Variants in DOCK7 observed in about 807,000 individuals in gnomAD.
DOCK7 encodes dedicator of cytokinesis protein 7.
DOCK7 carries 138 observed loss-of-function variants against 271.0 expected under a neutral mutation model. That is an observed-to-expected ratio of 0.51 (90% confidence interval 0.44 to 0.59). The LOEUF (loss-of-function observed/expected upper bound fraction) is 0.59. Ranked by LOEUF, DOCK7 falls within the 20% of genes least tolerant of loss-of-function variation. DOCK7 has a pLI of 0.00. For missense variants in DOCK7, 2,066 were observed against 2,592.4 expected (o/e 0.80, Z 4.41); for synonymous variants, 823 against 876.1 (o/e 0.94, Z 1.07).
At chr1:62,475,585 G>A (rs935168678) in intron 46 of DOCK7, 122 bp downstream of exon 46, 27 of 1,108,564 alleles carry the variant, frequency 2.4e-5, no homozygotes, top group Middle Eastern at 2.2e-4. Context: ...CTCAAAAATG[G>A]GTAAAGTTCT....
At chr1:62,505,904 C>T (rs1024318543) in intron 35 of DOCK7, 88 bp from the exon 36 acceptor site, 1 of 1,276,128 alleles carries the variant, frequency 7.8e-7, no homozygotes, top group Non-Finnish European at 1.1e-6. Context: ...TAAATAAAGG[C>T]CTCCCTGTAT....
At chr1:62,561,756 T>C (rs901323852) in intron 18 of DOCK7, 53 bp from the exon 19 acceptor site, 15 of 1,179,956 alleles carry the variant, frequency 1.3e-5, no homozygotes, top group Non-Finnish European at 1.6e-5. Context: ...TTATGAACTC[T>C]GAAAATAAAC....
intron 1 of DOCK7, among the ~76,000 whole-genome samples, chr1:62,679,286 C>G (rs1357426881): frequency 6.6e-6 from 1 of 152,018 alleles, no homozygotes; most frequent in African/African-American, 2.4e-5. Context: ...GTAAGTTAAA[C>G]TGCATTAAAA....
intron 37 of DOCK7, among the ~76,000 whole-genome samples, chr1:62,499,155 C>A (rs1212793438): frequency 6.6e-6 from 1 of 152,192 alleles, no homozygotes; most frequent in Admixed American, 6.6e-5. Flanking sequence ...ATTGTCCTTT[C>A]TTCTTTTATA....
chr1:62,664,918 C>T (rs1369940990), intron 1 of DOCK7, among the ~76,000 whole-genome samples: 1 of 152,084 alleles, frequency 6.6e-6, no homozygotes, highest in Non-Finnish European at 1.5e-5. Flanking sequence ...CAGGAGAGGG[C>T]AAAGGGCAAA....
chr1:62,659,388 A>T (rs1209443203), intron 2 of DOCK7, among the ~76,000 whole-genome samples: 2 of 152,174 alleles, frequency 1.3e-5, no homozygotes, highest in Admixed American at 1.3e-4. Flanking sequence ...AGCCACTAAA[A>T]AAGCTATACA....
At chr1:62,610,959 C>T (rs1416073824) in intron 14 of DOCK7, among the ~76,000 whole-genome samples, 1 of 152,138 alleles carries the variant, frequency 6.6e-6, no homozygotes, top group Non-Finnish European at 1.5e-5. Flanking sequence ...GATTTATAAT[C>T]CTTTGAATAT....
chr1:62,501,182 G>T (rs1168033), intron 37 of DOCK7, among the ~76,000 whole-genome samples: 148,663 of 152,230 alleles, frequency 0.98, 72,691 homozygotes, highest in Middle Eastern at 1. Context: ...TTCCTGTCTC[G>T]ACTAAAACAA....
intron 43 of DOCK7, 84 bp downstream of exon 43, chr1:62,487,314 T>C: frequency 7.3e-7 from 1 of 1,374,954 alleles, no homozygotes. Flanking sequence ...TGCCCACAGC[T>C]AGCACATGTG....
chr1:62,602,479 G>A lies in DOCK7; in HGVS notation c.1683-15855C>T, dbSNP rs575988526. 1.3e-5 allele frequency: 13 copies of A among 1,013,774 alleles called. No homozygotes were observed. The East Asian group carries it at 1.4e-4, about 11-fold the overall frequency. 62.8% of individuals were successfully genotyped at this position (1,013,774 alleles called of 1,614,324 possible). On this transcript the variant is annotated intron_variant, in intron 14 of 49. Transcript: ENST00000635253. ...GGTATTAGGAAAAGTAGTAACGAACGAGAAGCAGTCTCAGCCTTCATATAA... is the reference window on the plus strand; with the variant it reads ...GGTATTAGGAAAAGTAGTAACGAACAAGAAGCAGTCTCAGCCTTCATATAA...
intron 18 of DOCK7, among the ~76,000 whole-genome samples, chr1:62,564,847 T>TA (rs1414025411): frequency 6.6e-6 from 1 of 151,798 alleles, no homozygotes; most frequent in Non-Finnish European, 1.5e-5. Context: ...ATAGATGCAA[T>TA]AAAAAACGAT....
chr1:62,597,946 T>C, intron 14 of DOCK7: 1 of 1,553,292 alleles, frequency 6.4e-7, no homozygotes, highest in Non-Finnish European at 8.6e-7. Flanking sequence ...CTTGAAAGCC[T>C]CCTAGAAGAA....
In DOCK7 at chr1:62,663,016, G is replaced by T. The variant is rs376840551; in HGVS notation, c.144+9C>A. 1.9e-6 allele frequency: 3 copies of T among 1,595,392 alleles called. No homozygotes were observed. Among genetic ancestry groups the T allele is most frequent in the East Asian group, 4.5e-5 (2 of 44,752 alleles). On this transcript the variant is annotated intron_variant, in intron 2 of 49. Transcript: ENST00000635253. ...CAAGAAGAGACTATATTTTGAATAC[G>T]TTACTTACTGTGGTGTGATGGGATA...
chr1:62,651,414 A>G (rs1385647576), intron 4 of DOCK7, among the ~76,000 whole-genome samples: 1 of 150,104 alleles, frequency 6.7e-6, no homozygotes, highest in African/African-American at 2.5e-5. Context: ...CAAACCTGCA[A>G]GTTGTGCACA....
chr1:62,584,307 T>C (rs1032325474), intron 15 of DOCK7: 1 of 980,432 alleles, frequency 1.0e-6, no homozygotes, highest in African/African-American at 1.8e-5. Flanking sequence ...CTTAGTATGT[T>C]TTCATAAATT....
intron 31 of DOCK7, among the ~76,000 whole-genome samples, chr1:62,520,799 C>T (rs1441341936): frequency 6.6e-6 from 1 of 152,174 alleles, no homozygotes; most frequent in Non-Finnish European, 1.5e-5. Context: ...AAGACACATG[C>T]ACCTGTATGT....
chr1:62,652,751 A>G (rs1356263418), intron 4 of DOCK7, among the ~76,000 whole-genome samples: 1 of 152,172 alleles, frequency 6.6e-6, no homozygotes, highest in African/African-American at 2.4e-5. Context: ...AGACTTTTGA[A>G]TTATCTGACT....
rs568713137 is a variant in DOCK7 at position 62,624,082 on chromosome 1, T to C, written c.1425+1177A>G. Among the ~76,000 whole-genome samples, 97 of 152,316 alleles carry C rather than the reference T, an allele frequency of 6.4e-4. 1 individual carries two copies. In the South Asian group the frequency reaches 0.02, roughly 31 times the overall value. ...GTACTACTCCAGTTTGTTACGCTAA[T>C]ACAAATTTTCTCCCCATTCTTATAT... is the stretch of plus-strand genomic sequence containing the variant. On this transcript the variant is annotated intron_variant, in intron 12 of 49. Coordinates refer to ENST00000635253, the MANE Select transcript of DOCK7 (RefSeq NM_001367561.1).
At chr1:62,618,571 T>A in intron 14 of DOCK7, 135 bp downstream of exon 14, 1 of 727,108 alleles carries the variant, frequency 1.4e-6, no homozygotes, top group Non-Finnish European at 2.3e-6. Flanking sequence ...AAACTATTAA[T>A]AAAATTGTGC....
Sources: gnomAD v4.1 joint callset for allele counts (sites outside exome capture counted in the v4.1 genomes callset) on GRCh38, gnomAD v4.1.1 for gene constraint, MANE v1.5 for transcripts, NCBI Gene and HGNC (gene_info 2026-07-23, HGNC 2026-07-21) for gene names.